MGAT5: variants seen among roughly 807,000 people sequenced by gnomAD.
MGAT5 encodes the protein alpha-1,6-mannosylglycoprotein 6-beta-N-acetylglucosaminyltransferase.
A neutral mutation model predicts 94.3 loss-of-function variants in MGAT5; 30 were observed. That is an observed-to-expected ratio of 0.32 (90% CI 0.24 to 0.43). The LOEUF (loss-of-function observed/expected upper bound fraction) is 0.43, where lower values mean the gene tolerates loss of function less well. MGAT5 is among the 20% of genes least tolerant of loss of function. The probability of loss-of-function intolerance (pLI) is 1.00; values close to 1 mark genes in which losing one functional copy is unlikely to be tolerated. For missense variants in MGAT5, 691 were observed against 905.5 expected (o/e 0.76, Z 3.04); for synonymous variants, 310 against 322.9 (o/e 0.96, Z 0.43).
At chr2:134,298,637 G>A (rs1685836509) in intron 2 of MGAT5, among the ~76,000 whole-genome samples, 1 of 152,178 alleles carries the variant, frequency 6.6e-6, no homozygotes, top group African/African-American at 2.4e-5. Context: ...ATTTCCAGAT[G>A]TTGGAAGGTG....
In MGAT5 at chr2:134,126,920, C is replaced by T. The variant is rs190220200; in HGVS notation, c.-143+6629C>T. 2.2e-4 allele frequency among the ~76,000 whole-genome samples: 34 copies of T among 151,942 alleles called. 1 individual carries two copies. In the East Asian group the frequency reaches 6.0e-3, roughly 27 times the overall value. ...TTTTAAACCATCTTATTTTCACCTC[C>T]AGTTTGTTATTTACAAGCATCCATG... On this transcript the variant is annotated intron_variant, in intron 1 of 16. Coordinates refer to the MGAT5 transcript ENST00000409645.
intron 10 of MGAT5, among the ~76,000 whole-genome samples, chr2:134,370,760 A>C (rs1267290579): frequency 6.6e-6 from 1 of 152,284 alleles, no homozygotes; most frequent in Non-Finnish European, 1.5e-5. Flanking sequence ...AGGGAGGAAC[A>C]GAGGAGAAAT....
rs889914490 is a variant in MGAT5, at chr2:134,412,786, G to A, written c.1531-83G>A. The A allele has an allele frequency of 9.7e-6, 15 of 1,548,124 alleles. No homozygotes were observed. The East Asian group carries it at 1.1e-4, about 12-fold the overall frequency. On this transcript the variant is annotated intron_variant, in intron 11 of 15. Transcript: ENST00000281923. ...CCACACGGGAATGGGCCACAGAATC[G>A]CCGCCTGCAAGCTAGGAATGCCCGT...
intron 10 of MGAT5, among the ~76,000 whole-genome samples, chr2:134,365,987 C>T (rs867797529): frequency 2.6e-5 from 4 of 152,004 alleles, no homozygotes; most frequent in African/African-American, 9.7e-5. Flanking sequence ...GGGAATCTTG[C>T]CGTCAGACTC....
At chr2:134,231,856 G>C (rs1242166951) in intron 1 of MGAT5, among the ~76,000 whole-genome samples, 1 of 152,310 alleles carries the variant, frequency 6.6e-6, no homozygotes, top group East Asian at 1.9e-4. Context: ...GCTGTGCCGA[G>C]TTGTCTGTCC....
chr2:134,230,386 C>A (rs576779353), intron 1 of MGAT5, among the ~76,000 whole-genome samples: 2 of 152,192 alleles, frequency 1.3e-5, no homozygotes, highest in African/African-American at 4.8e-5. Flanking sequence ...GGGTTGGGGA[C>A]CCCTGTGTTA....
At chr2:134,334,903 T>C (rs909778884) in intron 4 of MGAT5, among the ~76,000 whole-genome samples, 2 of 152,082 alleles carry the variant, frequency 1.3e-5, no homozygotes, top group African/African-American at 4.8e-5. Flanking sequence ...TCCTTTTGAG[T>C]CTCTGAATCA....
intron 6 of MGAT5, among the ~76,000 whole-genome samples, chr2:134,340,497 C>T (rs78666523): frequency 0.031 from 4,662 of 152,200 alleles, 92 homozygotes; most frequent in South Asian, 0.059. Context: ...ATCAAATATG[C>T]TTTGATGTCA....
intron 4 of MGAT5, among the ~76,000 whole-genome samples, chr2:134,333,069 G>T (rs1688084152): frequency 6.6e-6 from 1 of 152,110 alleles, no homozygotes; most frequent in South Asian, 2.1e-4. Flanking sequence ...ATTTGACCCA[G>T]CCATCCCATT....
intron 12 of MGAT5, among the ~76,000 whole-genome samples, chr2:134,416,852 C>A (rs581378): frequency 2.0e-5 from 3 of 151,324 alleles, no homozygotes; most frequent in African/African-American, 4.9e-5. Flanking sequence ...TGATCCCCCC[C>A]ACCTCAGCCT....
chr2:134,314,832 C>A (rs1686905937), intron 2 of MGAT5, among the ~76,000 whole-genome samples: 1 of 152,100 alleles, frequency 6.6e-6, no homozygotes, highest in South Asian at 2.1e-4. Context: ...AAACGAGGGG[C>A]CTTGCTTTGG....
chr2:134,296,018 C>A (rs1454161386), intron 2 of MGAT5, among the ~76,000 whole-genome samples: 2 of 152,128 alleles, frequency 1.3e-5, no homozygotes, highest in Non-Finnish European at 1.5e-5. Context: ...GAGTGTTTGG[C>A]AGCCTCATGC....
chr2:134,275,351 G>T (rs1220748031), intron 2 of MGAT5, among the ~76,000 whole-genome samples: 2 of 152,126 alleles, frequency 1.3e-5, no homozygotes, highest in Non-Finnish European at 1.5e-5. Flanking sequence ...TATTCTTTTG[G>T]TATCTTTACA....
At chr2:134,189,921 A>C (rs1342246787) in intron 1 of MGAT5, among the ~76,000 whole-genome samples, 1 of 152,098 alleles carries the variant, frequency 6.6e-6, no homozygotes, top group Non-Finnish European at 1.5e-5. Context: ...TCTTTAGAAT[A>C]ACTTTATTTA....
At chr2:134,325,871 C>A (rs1240662001) in intron 4 of MGAT5, among the ~76,000 whole-genome samples, 2 of 152,040 alleles carry the variant, frequency 1.3e-5, no homozygotes, top group African/African-American at 4.8e-5. Flanking sequence ...TTGGTTACAG[C>A]CCATGTTGTT....
chr2:134,137,320 A>G (rs907167046), intron 1 of MGAT5, among the ~76,000 whole-genome samples: 1 of 152,214 alleles, frequency 6.6e-6, no homozygotes, highest in African/African-American at 2.4e-5. Flanking sequence ...TCAGCGCCAT[A>G]GGAATGCACT....
chr2:134,388,826 A>T (rs1682210434), intron 10 of MGAT5, among the ~76,000 whole-genome samples: 1 of 150,768 alleles, frequency 6.6e-6, no homozygotes, highest in African/African-American at 2.4e-5. Flanking sequence ...CAGTGGTGCA[A>T]TCTCAGCTCA....
At chr2:134,217,277 T>A (rs1038333240) in intron 1 of MGAT5, among the ~76,000 whole-genome samples, 1 of 98,600 alleles carries the variant, frequency 1.0e-5, no homozygotes, top group Non-Finnish European at 2.0e-5. Flanking sequence ...GTGTAAAATA[T>A]ACCAAATGTG....
At chr2:134,356,063 T>C (rs961104917) in intron 9 of MGAT5, among the ~76,000 whole-genome samples, 1 of 152,242 alleles carries the variant, frequency 6.6e-6, no homozygotes, top group East Asian at 1.9e-4. Flanking sequence ...TTATTTTATT[T>C]ATGCGTGTAT....
Sources: gnomAD v4.1 joint callset for allele counts (sites outside exome capture counted in the v4.1 genomes callset) on GRCh38, gnomAD v4.1.1 for gene constraint, MANE v1.5 for transcripts, NCBI Gene and HGNC (gene_info 2026-07-23, HGNC 2026-07-21) for gene names.